BRIP1: variants seen among roughly 807,000 people sequenced by gnomAD.
BRIP1 encodes BRCA1 interacting DNA helicase 1, also known as Fanconi anemia group J protein.
In BRIP1, 88 loss-of-function variants were observed where a neutral mutation model predicts 119.7. That is an observed-to-expected ratio of 0.74 (90% CI 0.62 to 0.88). The LOEUF (loss-of-function observed/expected upper bound fraction) is 0.88. Ranked by LOEUF, BRIP1 falls within the 40% of genes least tolerant of loss-of-function variation. BRIP1 has a pLI of 0.00. For missense variants in BRIP1, 1,259 were observed against 1,455.4 expected (o/e 0.87, Z 2.20); for synonymous variants, 443 against 496.5 (o/e 0.89, Z 1.43).
rs1295308395 is a variant in BRIP1 at position 61,804,638 on chromosome 17, C to T, written c.919-3164G>A. ...TCCTGACCTCAAGTGCCCACCTCAG[C>T]CTCCCAGAGTGCTGGCATTACAGGC... On this transcript the variant is annotated intron_variant, in intron 7 of 19. Transcript: ENST00000259008. This position sits in a 1 kb window ranked among gnomAD's most constrained non-coding sequence, Gnocchi z 4.5. Among the ~76,000 whole-genome samples the T allele has an allele frequency of 6.6e-6, 1 of 152,036 alleles. No individual in the cohort carries two copies. Among genetic ancestry groups the T allele is most frequent in the Non-Finnish European group, 1.5e-5 (1 of 68,024 alleles).
In BRIP1 at chr17:61,861,630, C is replaced by T. The variant is rs542922389; in HGVS notation, c.-30-61G>A. ...CGCCTTACAAAGAAAACCAGAGAAC[C>T]AAAACTAAGGGAGAAATCTGGAAAC... On this transcript the variant is annotated intron_variant, in intron 1 of 19. Transcript: ENST00000259008. This position sits in a 1 kb window ranked among gnomAD's most constrained non-coding sequence, Gnocchi z 4.5. 1.4e-5 allele frequency: 13 copies of T among 918,250 alleles called. No homozygotes were observed. Among genetic ancestry groups the T allele is most frequent in the Non-Finnish European group, 2.3e-5 (13 of 558,478 alleles). 56.9% of individuals were successfully genotyped at this position (918,250 alleles called of 1,614,324 possible).
Position 61,861,799 on chromosome 17 carries a change from G to T in BRIP1, c.-30-230C>A. The stretch of plus-strand genomic sequence containing the variant: ...CTTCACTCTGCCAGGTATTAGTTGT[G>T]TGACTTCGGGAAAGTTAGTTACCTT... On this transcript the variant is annotated intron_variant, in intron 1 of 19. Transcript: ENST00000259008. The surrounding 1 kb of genome is among the most constrained non-coding windows in gnomAD (Gnocchi z 4.5). 1 of 533,204 alleles carries T rather than the reference G, an allele frequency of 1.9e-6. No homozygotes were observed. Among genetic ancestry groups the T allele is most frequent in the Non-Finnish European group, 3.4e-6 (1 of 297,002 alleles). 33.0% of individuals were successfully genotyped at this position (533,204 alleles called of 1,614,324 possible). A position where few individuals can be genotyped will look rare whatever the true frequency, so the allele number is the denominator to read the frequency against.
chr17:61,785,419 G>A (rs766896473), intron 10 of BRIP1, among the ~76,000 whole-genome samples: 7 of 152,116 alleles, frequency 4.6e-5, no homozygotes, highest in Non-Finnish European at 1.0e-4. Flanking sequence ...AGCAATAAAA[G>A]ATATTGGTGA....
Position 61,780,226 on chromosome 17 carries a change from C to A in BRIP1, c.1935+35G>T. 1.3e-6 allele frequency: 2 copies of A among 1,590,948 alleles called. No homozygotes were observed. Among genetic ancestry groups the A allele is most frequent in the Non-Finnish European group, 1.7e-6 (2 of 1,162,098 alleles). The stretch of plus-strand genomic sequence containing the variant: ...ACATAGTTATATTGAAGTAGAAACA[C>A]TGAAGGCCTTCCAAAAAAAAAAACA... On this transcript the variant is annotated intron_variant, in intron 13 of 19. Transcript: ENST00000259008. The surrounding 1 kb of genome is among the most constrained non-coding windows in gnomAD (Gnocchi z 5.4).
At chr17:61,747,357 T>C (rs2077071588) in intron 14 of BRIP1, among the ~76,000 whole-genome samples, 1 of 151,660 alleles carries the variant, frequency 6.6e-6, no homozygotes, top group African/African-American at 2.4e-5. Context: ...AGAAAAACAA[T>C]TTAAAAAGTT....
Position 61,701,680 on chromosome 17 carries a change from T to C in BRIP1, c.2493-8168A>G, listed in dbSNP as rs1567744839. ...GAACTTTAAAAGCTCTCTATGGACA[T>C]TGCATTCCTCAGCTTTTCTCTTTAC... On this transcript the variant is annotated intron_variant, in intron 17 of 19. Coordinates refer to ENST00000259008, the MANE Select transcript of BRIP1 (RefSeq NM_032043.3). The surrounding 1 kb of genome is among the most constrained non-coding windows in gnomAD (Gnocchi z 5.1). Among the ~76,000 whole-genome samples the C allele has an allele frequency of 1.3e-5, 2 of 152,346 alleles. No homozygotes were observed. Among genetic ancestry groups the C allele is most frequent in the East Asian group, 1.9e-4 (1 of 5,186 alleles).
rs2145738444 is a variant in BRIP1, at chr17:61,846,794, C to G, written c.627+307G>C. ...GGACTACTCCTTGAGAACTGTTGCC[C>G]TAAGAATCCTGAAAGAACTGTAAGG... On this transcript the variant is annotated intron_variant, in intron 6 of 19. Transcript: ENST00000259008. The surrounding 1 kb of genome is among the most constrained non-coding windows in gnomAD (Gnocchi z 4.3). Among the ~76,000 whole-genome samples the G allele has an allele frequency of 6.6e-6, 1 of 152,216 alleles. No individual in the cohort carries two copies. The highest frequency in any genetic ancestry group is 1.5e-5 in the Non-Finnish European group (1 of 68,018).
chr17:61,715,894 G>T, intron 17 of BRIP1, 57 bp downstream of exon 17: 3 of 1,158,958 alleles, frequency 2.6e-6, no homozygotes, highest in East Asian at 2.5e-5. Context: ...AGCAAGACTA[G>T]ATTTATATAT....
In BRIP1 at chr17:61,846,983, T is replaced by C; in HGVS notation, c.627+118A>G. On this transcript the variant is annotated intron_variant, in intron 6 of 19. Coordinates refer to ENST00000259008, the MANE Select transcript of BRIP1 (RefSeq NM_032043.3). The surrounding 1 kb of genome is among the most constrained non-coding windows in gnomAD (Gnocchi z 4.3). The stretch of plus-strand genomic sequence containing the variant: ...ACAGAGATGTGACAGCATTGAGGAC[T>C]TCTGAGTGGGTTGCTACTGTCCTTT... 7.9e-7 allele frequency: 1 copy of C among 1,264,640 alleles called. No individual in the cohort carries two copies. The highest frequency in any genetic ancestry group is 1.1e-6 in the Non-Finnish European group (1 of 887,100). 78.3% of individuals were successfully genotyped at this position (1,264,640 alleles called of 1,614,324 possible).
rs2145334576 is a variant in BRIP1 at position 61,801,315 on chromosome 17, G to A, written c.1078C>T (p.Gln360Ter). The A allele has an allele frequency of 6.2e-7, 1 of 1,614,008 alleles. No homozygotes were observed. The highest frequency in any genetic ancestry group is 8.5e-7 in the Non-Finnish European group (1 of 1,179,940). Residue 360 changes from glutamine to a stop codon, truncating the protein, a stop_gained, in exon 8 of 20, where the codon CAA (glutamine) becomes TAA (stop). Coordinates refer to ENST00000259008, the MANE Select transcript of BRIP1 (RefSeq NM_032043.3). LOFTEE classifies it high-confidence loss of function. ...CPYYTARELI[Q>*]DADIIFCPYN... ...GGACAAAATATGATGTCAGCATCTT[G>A]TATTAGTTCTCGGGCTGTGTAATAT...
intron 6 of BRIP1, among the ~76,000 whole-genome samples, chr17:61,812,554 G>A (rs2078178422): frequency 6.7e-6 from 1 of 148,528 alleles, no homozygotes; most frequent in Admixed American, 6.7e-5. Context: ...TTTACTTCAA[G>A]AAAAGGCAAG....
In BRIP1 at chr17:61,767,248, A is replaced by T. The variant is rs1459418429; in HGVS notation, c.2097+9153T>A. On this transcript the variant is annotated intron_variant, in intron 14 of 19. Transcript: ENST00000259008. This position sits in a 1 kb window ranked among gnomAD's most constrained non-coding sequence, Gnocchi z 5.7. ...TAAATATAAGGGGGAAGAAATGACC[A>T]CTAAAATGTATGGTTTGAAAAACTT... 6.6e-6 allele frequency among the ~76,000 whole-genome samples: 1 copy of T among 152,144 alleles called. No homozygotes were observed.
At chr17:61,777,521 C>T (rs1250192718) in intron 13 of BRIP1, among the ~76,000 whole-genome samples, 9 of 152,128 alleles carry the variant, frequency 5.9e-5, no homozygotes, top group Non-Finnish European at 1.3e-4. Flanking sequence ...TTTACTTGCA[C>T]TTCTGACTGA....
chr17:61,777,681 G>GA (rs1203325490), intron 13 of BRIP1, among the ~76,000 whole-genome samples: 1 of 152,184 alleles, frequency 6.6e-6, no homozygotes, highest in Non-Finnish European at 1.5e-5. Flanking sequence ...ATGTATGTGG[G>GA]AAGGGGCTCA....
Position 61,722,508 on chromosome 17 carries a change from A to G in BRIP1, c.2380-6445T>C, listed in dbSNP as rs1364716630. Among the ~76,000 whole-genome samples the G allele has an allele frequency of 6.6e-6, 1 of 152,240 alleles. No individual in the cohort carries two copies. Among genetic ancestry groups the G allele is most frequent in the Admixed American group, 6.5e-5 (1 of 15,288 alleles). On this transcript the variant is annotated intron_variant, in intron 16 of 19. Transcript: ENST00000259008. This position sits in a 1 kb window ranked among gnomAD's most constrained non-coding sequence, Gnocchi z 4.6. ...AATTCTGTCCAGCTGGGAAAAATAT[A>G]TGTATTTCCTACCTATCTCTCAAAA...
At chr17:61,785,823 G>A (rs930286304) in intron 10 of BRIP1, among the ~76,000 whole-genome samples, 56 of 152,138 alleles carry the variant, frequency 3.7e-4, no homozygotes, top group Middle Eastern at 3.4e-3. Context: ...TAAAGGTGAG[G>A]CGCTGTACTA....
rs769535320 is a variant in BRIP1 at position 61,808,688 on chromosome 17, T to C, written c.697A>G (p.Ile233Val). 1.2e-6 allele frequency: 2 copies of C among 1,613,958 alleles called. No homozygotes were observed. Among genetic ancestry groups the C allele is most frequent in the South Asian group, 2.2e-5 (2 of 91,086 alleles). ...GATTTCCCTGTATGATCCTTCTTAA[T>C]GGTATTCGATGACTCTTGACTGTTT... ...QGNSQESSNTIKKDHTGKSKI... is the reference protein window; with the variant it reads ...QGNSQESSNTVKKDHTGKSKI... Residue 233 changes from isoleucine to valine, a missense_variant, in exon 7 of 20, where the codon ATT becomes GTT. By Grantham distance (29) the Ile-to-Val change is conservative (BLOSUM62 3). Coordinates refer to ENST00000259008, the MANE Select transcript of BRIP1 (RefSeq NM_032043.3). The surrounding 1 kb of genome is among the most constrained non-coding windows in gnomAD (Gnocchi z 4.1).
rs2061720103 is a variant in BRIP1 at position 61,708,073 on chromosome 17, CTGACCTCAAG to C, written c.2492+7868_2492+7877del. 6.6e-6 allele frequency among the ~76,000 whole-genome samples: 1 copy of C among 152,164 alleles called. No individual in the cohort carries two copies. Among genetic ancestry groups the C allele is most frequent in the East Asian group, 1.9e-4 (1 of 5,170 alleles). On this transcript the variant is annotated intron_variant, in intron 17 of 19. Coordinates refer to ENST00000259008, the MANE Select transcript of BRIP1 (RefSeq NM_032043.3). This position sits in a 1 kb window ranked among gnomAD's most constrained non-coding sequence, Gnocchi z 4.4. ...TGTTGGCCAGGCTGGTCTCAAACTG[CTGACCTCAAG>C]TGATCATTTTTAAGAGGATTAAGGA...
At position 61,754,315 on chromosome 17, in the gene BRIP1, C is replaced by A. The variant is rs2077172296; in HGVS notation, c.2098-9724G>T. 1.3e-5 allele frequency among the ~76,000 whole-genome samples: 2 copies of A among 152,178 alleles called. No individual in the cohort carries two copies. Among genetic ancestry groups the A allele is most frequent in the African/African-American group, 4.8e-5 (2 of 41,432 alleles). On this transcript the variant is annotated intron_variant, in intron 14 of 19. Transcript: ENST00000259008. The surrounding 1 kb of genome is among the most constrained non-coding windows in gnomAD (Gnocchi z 4.1). Reference sequence around the variant, plus strand: ...GCTCAAACTAGGTACTCTCCTGTCTCAAGATTCCCACTATCTGAACATTCT... The same window carrying A: ...GCTCAAACTAGGTACTCTCCTGTCTAAAGATTCCCACTATCTGAACATTCT...
Sources: gnomAD v4.1 joint callset for allele counts (sites outside exome capture counted in the v4.1 genomes callset) on GRCh38, gnomAD v4.1.1 for gene constraint, Gnocchi (gnomAD v3.1) non-coding constraint, MANE v1.5 for transcripts, NCBI Gene and HGNC (gene_info 2026-07-23, HGNC 2026-07-21) for gene names.